Variants in ADGRB3 observed in about 807,000 individuals in gnomAD.
The protein encoded by ADGRB3 is adhesion G protein-coupled receptor B3.
ADGRB3 carries 37 observed loss-of-function variants against 193.4 expected under a neutral mutation model. That is an observed-to-expected ratio of 0.19 (90% CI 0.15 to 0.25). The LOEUF is 0.25. Ranked by LOEUF, ADGRB3 falls within the 10% of genes least tolerant of loss-of-function variation. The pLI is 1.00. For synonymous variants in ADGRB3, 690 were observed against 644.2 expected (o/e 1.07, Z -1.08); for missense variants, 1,637 against 1,852.9 (o/e 0.88, Z 2.14).
At chr6:68,737,090 T>C (rs1031499928) in intron 3 of ADGRB3, among the ~76,000 whole-genome samples, 1 of 152,178 alleles carries the variant, frequency 6.6e-6, no homozygotes, top group African/African-American at 2.4e-5. Context: ...TTTTTAGTAA[T>C]GTTCCAGTAT....
In ADGRB3 at chr6:69,232,268, C is replaced by G. The variant is rs1042489967; in HGVS notation, c.2481-1022C>G. 1.9e-4 allele frequency: 88 copies of G among 468,966 alleles called. No homozygotes were observed. In the African/African-American group the frequency reaches 2.6e-3, roughly 14 times the overall value. The allele number at this position is 468,966 out of a possible 1,614,324, so 29.1% of individuals were successfully genotyped here. ...AAAGTTGATTGGTTGAGCTCTATAG[C>G]ATTTTTTTTTTTTCTTTTTCTCTCT... On this transcript the variant is annotated intron_variant, in intron 17 of 31. Coordinates refer to ENST00000370598, the MANE Select transcript of ADGRB3 (RefSeq NM_001704.3).
chr6:69,133,110 C>CT lies in ADGRB3; in HGVS notation c.2480+57073dup, dbSNP rs779208841. Among the ~76,000 whole-genome samples the CT allele has an allele frequency of 2.8e-4, 42 of 151,972 alleles. No homozygotes were observed. The East Asian group carries it at 2.9e-3, about 11-fold the overall frequency. ...CTTAGCATTGTCTTAGCTATGCAGG[C>CT]TCTTTTTTGGTTCCATATGAAATTT... On this transcript the variant is annotated intron_variant, in intron 17 of 31. Transcript: ENST00000370598.
intron 20 of ADGRB3, among the ~76,000 whole-genome samples, chr6:69,268,655 T>G (rs1157426697): frequency 1.3e-5 from 2 of 152,204 alleles, no homozygotes; most frequent in South Asian, 2.1e-4. Flanking sequence ...GAAGCAGTTC[T>G]TTGGGTAGAA....
intron 17 of ADGRB3, 90 bp from the exon 18 acceptor site, chr6:69,233,200 C>A: frequency 6.6e-7 from 1 of 1,504,972 alleles, no homozygotes; most frequent in South Asian, 1.3e-5. Flanking sequence ...CAGTAGACGA[C>A]TCTCTCAATT....
intron 11 of ADGRB3, among the ~76,000 whole-genome samples, chr6:68,995,523 A>G (rs997310967): frequency 1.3e-5 from 2 of 152,206 alleles, no homozygotes; most frequent in South Asian, 2.1e-4. Flanking sequence ...TCCATTAACC[A>G]GTTGCTTAGT....
intron 12 of ADGRB3, 106 bp downstream of exon 12, chr6:69,014,212 T>C (rs1582394644): frequency 1.1e-5 from 9 of 803,444 alleles, no homozygotes; most frequent in Admixed American, 8.2e-5. Flanking sequence ...TATTTTTAAG[T>C]CAGTCTAGGT....
chr6:68,971,517 T>A (rs1019061069), intron 8 of ADGRB3, among the ~76,000 whole-genome samples: 5 of 152,218 alleles, frequency 3.3e-5, no homozygotes, highest in South Asian at 4.1e-4. Flanking sequence ...AGCTCAAACC[T>A]GTGTTGTTCA....
intron 17 of ADGRB3, among the ~76,000 whole-genome samples, chr6:69,223,658 T>C (rs1396363648): frequency 6.9e-5 from 10 of 145,428 alleles, no homozygotes; most frequent in Non-Finnish European, 1.2e-4. Flanking sequence ...CTCTCTTTTT[T>C]TTTTTTTTTT....
At chr6:68,985,849 A>G (rs1769054969) in intron 10 of ADGRB3, among the ~76,000 whole-genome samples, 1 of 152,106 alleles carries the variant, frequency 6.6e-6, no homozygotes, top group Non-Finnish European at 1.5e-5. Context: ...CTACAGAGAA[A>G]CATCATGTTA....
intron 3 of ADGRB3, among the ~76,000 whole-genome samples, chr6:68,643,022 T>C (rs1467522790): frequency 6.6e-6 from 1 of 152,216 alleles, no homozygotes; most frequent in Non-Finnish European, 1.5e-5. Flanking sequence ...TTATAATAAA[T>C]GATTAAAACA....
chr6:69,129,721 A>G (rs991011500), intron 17 of ADGRB3, among the ~76,000 whole-genome samples: 4 of 152,194 alleles, frequency 2.6e-5, no homozygotes, highest in Non-Finnish European at 5.9e-5. Context: ...AACATCAGAC[A>G]CTAGTTCAGG....
At chr6:69,114,655 A>T (rs1030193079) in intron 17 of ADGRB3, among the ~76,000 whole-genome samples, 1 of 151,980 alleles carries the variant, frequency 6.6e-6, no homozygotes, top group Admixed American at 6.6e-5. Context: ...CTTATGTTTA[A>T]GTCTTTAATC....
At chr6:69,013,307 A>C (rs180890560) in intron 11 of ADGRB3, among the ~76,000 whole-genome samples, 1 of 152,084 alleles carries the variant, frequency 6.6e-6, no homozygotes. Flanking sequence ...TGAAAGAAAA[A>C]CCAGAAACCA....
chr6:68,973,062 C>T (rs1274431444), intron 8 of ADGRB3, among the ~76,000 whole-genome samples: 1 of 152,092 alleles, frequency 6.6e-6, no homozygotes, highest in Non-Finnish European at 1.5e-5. Flanking sequence ...AAAACATTGC[C>T]TATGTGTTTT....
chr6:69,246,013 C>G (rs1210509523), intron 20 of ADGRB3, among the ~76,000 whole-genome samples: 1 of 152,112 alleles, frequency 6.6e-6, no homozygotes, highest in African/African-American at 2.4e-5. Flanking sequence ...TAGACAGGAT[C>G]TCAGCTAATA....
intron 3 of ADGRB3, among the ~76,000 whole-genome samples, chr6:68,652,101 C>A (rs1323144947): frequency 6.6e-6 from 1 of 152,026 alleles, no homozygotes; most frequent in Non-Finnish European, 1.5e-5. Context: ...GAGTCTAACT[C>A]CCACCCCTTA....
At position 69,141,750 on chromosome 6, in the gene ADGRB3, T is replaced by C. The variant is rs563793697; in HGVS notation, c.2480+65712T>C. On this transcript the variant is annotated intron_variant, in intron 17 of 31. Transcript: ENST00000370598. ...GGAGGAACTTTGTTAACTGATGTCA[T>C]GGGGGAAGATAGGCTGTGGAATTTC... 5.9e-5 allele frequency among the ~76,000 whole-genome samples: 9 copies of C among 152,248 alleles called. No individual in the cohort carries two copies. In the East Asian group the frequency reaches 1.7e-3, roughly 29 times the overall value.
chr6:69,195,214 A>G (rs1765271111), intron 17 of ADGRB3, among the ~76,000 whole-genome samples: 1 of 152,068 alleles, frequency 6.6e-6, no homozygotes, highest in African/African-American at 2.4e-5. Flanking sequence ...TACCAATTGC[A>G]GATACTACTC....
At chr6:68,794,011 G>A (rs925305529) in intron 3 of ADGRB3, among the ~76,000 whole-genome samples, 11 of 152,084 alleles carry the variant, frequency 7.2e-5, no homozygotes, top group African/African-American at 2.4e-4. Context: ...TTCTCAAGAT[G>A]CATGTAAAGC....
Sources: allele counts gnomAD v4.1 joint callset (sites outside exome capture counted in the v4.1 genomes callset), GRCh38; gene constraint gnomAD v4.1.1; transcripts MANE v1.5; gene names NCBI Gene and HGNC (gene_info 2026-07-23, HGNC 2026-07-21).